Variants in RBM47 observed in about 807,000 individuals in gnomAD.
RBM47 encodes the protein RNA-binding protein 47.
A neutral mutation model predicts 47.1 loss-of-function variants in RBM47; 21 were observed. That is an observed-to-expected ratio of 0.45 (90% confidence interval 0.32 to 0.64). The LOEUF is 0.64. Ranked by LOEUF, RBM47 falls within the 30% of genes least tolerant of loss-of-function variation. RBM47 has a pLI of 0.05. For missense variants in RBM47, 708 were observed against 870.9 expected, an observed-to-expected ratio of 0.81 and a Z score of 2.35; for synonymous variants, 375 against 361.7, an observed-to-expected ratio of 1.04 and a Z score of -0.42.
intron 3 of RBM47, among the ~76,000 whole-genome samples, chr4:40,466,170 A>T (rs1374758975): frequency 6.9e-6 from 1 of 144,786 alleles, no homozygotes; most frequent in Non-Finnish European, 1.5e-5. Context: ...CGGGAGGCTG[A>T]GTCACGAGAA....
Position 40,512,399 on chromosome 4 carries a change from A to G in RBM47, c.-155+32023T>C, listed in dbSNP as rs1463704800. 8.2e-3 allele frequency among the ~76,000 whole-genome samples: 743 copies of G among 90,816 alleles called. No homozygotes were observed. In the Middle Eastern group the frequency reaches 0.12, roughly 15 times the overall value. 59.6% of individuals were successfully genotyped at this position (90,816 alleles called of 152,430 possible). A position where few individuals can be genotyped will look rare whatever the true frequency, so the allele number is the denominator to read the frequency against. On this transcript the variant is annotated intron_variant, in intron 2 of 6. Transcript: ENST00000295971. ...ACTGCATTCCAGCCTGGGTGACAGA[A>G]CGAAACTCCATCTCAAAAAAAAAAA...
At chr4:40,596,659 G>A (rs1307260224) in intron 1 of RBM47, among the ~76,000 whole-genome samples, 2 of 152,124 alleles carry the variant, frequency 1.3e-5, no homozygotes, top group Non-Finnish European at 2.9e-5. Context: ...TGGCCCAAAA[G>A]ATTAATCTTC....
At chr4:40,602,580 G>A (rs755124777) in intron 1 of RBM47, among the ~76,000 whole-genome samples, 5 of 151,082 alleles carry the variant, frequency 3.3e-5, no homozygotes, top group African/African-American at 4.9e-5. Context: ...CTCAGGAGGC[G>A]GAGGTTGCAG....
At position 40,437,853 on chromosome 4, in the gene RBM47, G is replaced by A; in HGVS notation, c.1041C>T (p.Tyr347=). 1 of 1,614,118 alleles carries A rather than the reference G, an allele frequency of 6.2e-7. No individual in the cohort carries two copies. The highest frequency in any genetic ancestry group is 8.5e-7 in the Non-Finnish European group (1 of 1,180,024). ...AGGCCAGTGTGTAGGGGTCGCAGGA[G>A]TACACGTAGCTGGGCTGCTGCGCTG... ...AEAAQQPSYV[Y]SCDPYTLAYY... Residue 347 remains tyrosine (Y), a synonymous_variant, in exon 4 of 7, where the codon TAC becomes TAT. Transcript: ENST00000295971.
intron 3 of RBM47, among the ~76,000 whole-genome samples, chr4:40,464,731 C>CA (rs931321183): frequency 7.4e-4 from 108 of 146,028 alleles, no homozygotes; most frequent in African/African-American, 2.2e-3. Flanking sequence ...ATTAAAAATA[C>CA]AAAAAAAAAA....
chr4:40,435,115 G>A (rs1712128640), intron 5 of RBM47, among the ~76,000 whole-genome samples: 1 of 152,152 alleles, frequency 6.6e-6, no homozygotes, highest in African/African-American at 2.4e-5. Flanking sequence ...TTAATAAACA[G>A]GTTTGTAGGG....
At chr4:40,503,782 CATAT>C (rs1427031649) in intron 2 of RBM47, among the ~76,000 whole-genome samples, 2 of 152,002 alleles carry the variant, frequency 1.3e-5, no homozygotes, top group East Asian at 3.9e-4. Context: ...CACACAGATA[CATAT>C]ATACATACAT....
intron 1 of RBM47, among the ~76,000 whole-genome samples, chr4:40,564,682 A>G (rs1484249111): frequency 6.6e-6 from 1 of 152,238 alleles, no homozygotes; most frequent in Non-Finnish European, 1.5e-5. Flanking sequence ...TAGTCCTTTT[A>G]GAATACAAAA....
In RBM47 at chr4:40,432,767, T is replaced by C. The variant is rs763833959; in HGVS notation, c.1426A>G (p.Met476Val). 5.0e-6 allele frequency: 8 copies of C among 1,613,446 alleles called. No homozygotes were observed. Among genetic ancestry groups the C allele is most frequent in the Non-Finnish European group, 5.1e-6 (6 of 1,179,844 alleles). Reference sequence around the variant, plus strand: ...GGCTGCACAGCAATGGGGCTGATCATGTGCTCCACTGTGTGGATTTTGCCA... The same window carrying C: ...GGCTGCACAGCAATGGGGCTGATCACGTGCTCCACTGTGTGGATTTTGCCA... ...EDGKIHTVEH[M>V]ISPIAVQPDP... The change falls in exon 6 of 7, where the codon ATG (methionine) becomes GTG (valine). Residue 476 changes from methionine to valine, a missense_variant. Coordinates refer to ENST00000295971, the MANE Select transcript of RBM47 (RefSeq NM_001098634.2).
chr4:40,478,009 C>CTTTTTTTTT (rs1194806938), intron 2 of RBM47, among the ~76,000 whole-genome samples: 4 of 86,380 alleles, frequency 4.6e-5, no homozygotes, highest in African/African-American at 9.7e-5. Flanking sequence ...GTGGCATGTT[C>CTTTTTTTTT]TTTTTTTTTT....
chr4:40,478,752 T>C (rs569737414), intron 2 of RBM47, among the ~76,000 whole-genome samples: 14 of 152,342 alleles, frequency 9.2e-5, no homozygotes, highest in African/African-American at 3.4e-4. Flanking sequence ...CCTCTCAAAA[T>C]GCTGAGATTA....
At chr4:40,473,158 C>T (rs1471737501) in intron 2 of RBM47, among the ~76,000 whole-genome samples, 2 of 152,164 alleles carry the variant, frequency 1.3e-5, no homozygotes, top group Non-Finnish European at 2.9e-5. Context: ...GAATGTTTAT[C>T]ATGCACCAGG....
At chr4:40,606,726 G>T (rs1180015233) in intron 1 of RBM47, among the ~76,000 whole-genome samples, 3 of 152,134 alleles carry the variant, frequency 2.0e-5, no homozygotes, top group Non-Finnish European at 4.4e-5. Flanking sequence ...GACTGAGGAA[G>T]TTACTATTTG....
intron 3 of RBM47, among the ~76,000 whole-genome samples, chr4:40,447,753 A>G (rs1201342295): frequency 4.0e-5 from 6 of 151,080 alleles, no homozygotes; most frequent in African/African-American, 1.5e-4. Flanking sequence ...GCTCACGCCT[A>G]TAATCCCAGC....
chr4:40,459,490 T>C (rs565669494), intron 3 of RBM47, among the ~76,000 whole-genome samples: 1 of 152,114 alleles, frequency 6.6e-6, no homozygotes, highest in Non-Finnish European at 1.5e-5. Context: ...TGCTTGAGCC[T>C]AGGAGTTCAA....
intron 1 of RBM47, among the ~76,000 whole-genome samples, chr4:40,607,275 G>T (rs1048186019): frequency 1.3e-5 from 2 of 152,140 alleles, no homozygotes; most frequent in African/African-American, 4.8e-5. Flanking sequence ...CATATCGTAT[G>T]GTTCTATTTA....
Position 40,569,559 on chromosome 4 carries a change from A to G in RBM47, c.-239-25053T>C, listed in dbSNP as rs555097976. On this transcript the variant is annotated intron_variant, in intron 1 of 6. Coordinates refer to ENST00000295971, the MANE Select transcript of RBM47 (RefSeq NM_001098634.2). ...CGAGTAGCTGGGACTACAGGCGCCC[A>G]CCACCACACCCGGCTAATTTTTTGT... is the stretch of plus-strand genomic sequence containing the variant. Among the ~76,000 whole-genome samples the G allele has an allele frequency of 1.6e-3, 238 of 144,734 alleles. 1 individual carries two copies. The highest frequency in any genetic ancestry group is 5.4e-3 in the East Asian group (26 of 4,838). 95.0% of individuals were successfully genotyped at this position (144,734 alleles called of 152,430 possible).
In RBM47 at chr4:40,629,640, C is replaced by G. The variant is rs1578099218; in HGVS notation, c.-484G>C. ...GGTCAGAATTGCTTAACCTTGGAGA[C>G]TTGCAGAGAGAAAGTCTCCAGGAGG... On this transcript the variant is annotated 5_prime_UTR_variant, in exon 1 of 7. Coordinates refer to ENST00000295971, the MANE Select transcript of RBM47 (RefSeq NM_001098634.2). 1 of 152,386 alleles carries G rather than the reference C, an allele frequency of 6.6e-6. No homozygotes were observed. The highest frequency in any genetic ancestry group is 2.4e-5 in the African/African-American group (1 of 41,566). The allele number at this position is 152,386 out of a possible 1,614,324, so 9.4% of individuals were successfully genotyped here.
At chr4:40,506,579 T>C (rs534417187) in intron 2 of RBM47, among the ~76,000 whole-genome samples, 48 of 152,346 alleles carry the variant, frequency 3.2e-4, no homozygotes, top group Admixed American at 3.9e-4. Context: ...TTTCATTCTG[T>C]TACACAGGAC....
Sources: gnomAD v4.1 joint callset for allele counts (sites outside exome capture counted in the v4.1 genomes callset) on GRCh38, gnomAD v4.1.1 for gene constraint, MANE v1.5 for transcripts, NCBI Gene and HGNC (gene_info 2026-07-23, HGNC 2026-07-21) for gene names.